Variants in KDM2B observed in about 807,000 individuals in gnomAD.
KDM2B encodes the protein lysine demethylase 2B.
Under a neutral mutation model 150.0 loss-of-function variants are expected in KDM2B, and 26 were observed. The observed-to-expected ratio is 0.17, with a 90% CI of 0.13 to 0.24. KDM2B has a LOEUF of 0.24. Ranked by LOEUF, KDM2B falls within the 10% of genes least tolerant of loss-of-function variation. The pLI is 1.00. For synonymous variants in KDM2B, 734 were observed against 729.5 expected (o/e 1.01, Z -0.10); for missense variants, 1,265 against 1,816.9 (o/e 0.70, Z 5.52).
In KDM2B at chr12:121,442,175, C is replaced by G. The variant is rs782025226; in HGVS notation, c.3266G>C (p.Cys1089Ser). Residue 1089 changes from cysteine to serine, a missense_variant, in exon 19 of 23, where the codon TGC becomes TCC. This residue lies in a region of KDM2B where 251 missense variants were observed against 397.8 expected (regional missense o/e 0.63). Coordinates refer to ENST00000377071, the MANE Select transcript of KDM2B (RefSeq NM_032590.5). This position sits in a 1 kb window ranked among gnomAD's most constrained non-coding sequence, Gnocchi z 7.7. ...CGCTCACCAGCGGTTCCAGGTCCTG[C>G]AGACCCGCATGCACACACACAGGTC... ...HQDLCVCMRV[C>S]RTWNRWCCDK... 6.2e-7 allele frequency: 1 copy of G among 1,613,618 alleles called. No homozygotes were observed. The highest frequency in any genetic ancestry group is 8.5e-7 in the Non-Finnish European group (1 of 1,179,978).
chr12:121,564,417 C>T (rs562595927), intron 4 of KDM2B, among the ~76,000 whole-genome samples: 66 of 152,156 alleles, frequency 4.3e-4, no homozygotes, highest in African/African-American at 1.6e-3. Flanking sequence ...GAGATGGCGC[C>T]ACTGCACTTC....
intron 3 of KDM2B, among the ~76,000 whole-genome samples, 183 bp from the exon 4 acceptor site, chr12:121,574,776 A>C (rs192471825): frequency 6.5e-4 from 99 of 152,336 alleles, no homozygotes; most frequent in Admixed American, 3.1e-3. Context: ...GGGTCACCCC[A>C]GAACCACTGA....
the KDM2B span, chr12:121,420,672 A>G: frequency 6.2e-7 from 1 of 1,614,164 alleles, no homozygotes; most frequent in East Asian, 2.2e-5. Context: ...AGCTGAAGGA[A>G]ATTCTGGCTC....
chr12:121,568,511 G>T (rs1208048586), intron 4 of KDM2B, among the ~76,000 whole-genome samples: 1 of 151,934 alleles, frequency 6.6e-6, no homozygotes, highest in Non-Finnish European at 1.5e-5. Flanking sequence ...AAAAAGAAAA[G>T]AAATCTACAA....
At chr12:121,526,022 C>G (rs555220599) in intron 8 of KDM2B, among the ~76,000 whole-genome samples, 1 of 152,306 alleles carries the variant, frequency 6.6e-6, no homozygotes, top group African/African-American at 2.4e-5. Flanking sequence ...CCAAGGCCCC[C>G]CACATCATCT....
chr12:121,455,526 C>T (rs1310944714), intron 12 of KDM2B, among the ~76,000 whole-genome samples: 1 of 152,060 alleles, frequency 6.6e-6, no homozygotes, highest in African/African-American at 2.4e-5. Flanking sequence ...GCCTGGGCAA[C>T]ATAGTGAGAC....
chr12:121,505,303 AT>A (rs747819202), intron 11 of KDM2B, among the ~76,000 whole-genome samples: 2 of 149,220 alleles, frequency 1.3e-5, no homozygotes, highest in African/African-American at 2.5e-5. Flanking sequence ...AAAAAAAAAA[AT>A]TGTGACTGTA....
At chr12:121,566,856 T>C (rs563772524) in intron 4 of KDM2B, among the ~76,000 whole-genome samples, 8 of 152,208 alleles carry the variant, frequency 5.3e-5, no homozygotes, top group African/African-American at 1.7e-4. Context: ...TTTAGGAATG[T>C]GAAAAGACAA....
chr12:121,433,308 G>A (rs1379096637), intron 22 of KDM2B: 2 of 407,166 alleles, frequency 4.9e-6, no homozygotes, highest in Non-Finnish European at 9.8e-6. Flanking sequence ...GTTTCCTGCT[G>A]GCGCGTGGGG....
downstream of KDM2B, among the ~76,000 whole-genome samples, chr12:121,425,961 G>T (rs901956710): frequency 1.3e-5 from 2 of 151,908 alleles, no homozygotes; most frequent in African/African-American, 2.4e-5. Context: ...TAGAGACGGG[G>T]TTTCACTGTG....
chr12:121,565,380 G>A (rs1045050189), intron 4 of KDM2B, among the ~76,000 whole-genome samples: 4 of 148,640 alleles, frequency 2.7e-5, no homozygotes, highest in Admixed American at 6.7e-5. Flanking sequence ...GCAATGGCAC[G>A]ATCTCAGCAG....
At chr12:121,576,994 A>G (rs1310091523) in intron 2 of KDM2B, among the ~76,000 whole-genome samples, 2 of 152,186 alleles carry the variant, frequency 1.3e-5, no homozygotes, top group East Asian at 3.8e-4. Flanking sequence ...GCTCACAGTG[A>G]ATGGGGATTC....
chr12:121,475,883 G>T (rs1234425868), intron 12 of KDM2B, among the ~76,000 whole-genome samples: 3 of 151,544 alleles, frequency 2.0e-5, no homozygotes, highest in East Asian at 3.9e-4. Context: ...GAGATTTTAG[G>T]CCAGGGGCAG....
chr12:121,474,359 C>CA (rs1208144570), intron 12 of KDM2B, among the ~76,000 whole-genome samples: 10 of 151,768 alleles, frequency 6.6e-5, no homozygotes, highest in African/African-American at 1.5e-4. Context: ...CTAAAAAATA[C>CA]AAAAAAATTA....
Position 121,549,260 on chromosome 12 carries a change from T to C in KDM2B, c.576+200A>G, listed in dbSNP as rs928104381. The stretch of plus-strand genomic sequence containing the variant: ...TGAGAGGGTCACTTGAACCCAGGAG[T>C]TCAAGGCCAGCCTGGGCAACATAGC... On this transcript the variant is annotated intron_variant, in intron 5 of 22. Coordinates refer to ENST00000377071, the MANE Select transcript of KDM2B (RefSeq NM_032590.5). This position sits in a 1 kb window ranked among gnomAD's most constrained non-coding sequence, Gnocchi z 4.4. 1.3e-5 allele frequency among the ~76,000 whole-genome samples: 2 copies of C among 150,966 alleles called. No individual in the cohort carries two copies. The highest frequency in any genetic ancestry group is 4.9e-5 in the African/African-American group (2 of 41,016).
intron 12 of KDM2B, among the ~76,000 whole-genome samples, chr12:121,454,609 G>A (rs1289330376): frequency 6.6e-6 from 1 of 152,154 alleles, no homozygotes; most frequent in African/African-American, 2.4e-5. Context: ...CTTGTCTGTG[G>A]CATCTTTCTG....
At chr12:121,572,254 C>G (rs75008742) in intron 4 of KDM2B, among the ~76,000 whole-genome samples, 1 of 152,214 alleles carries the variant, frequency 6.6e-6, no homozygotes, top group Middle Eastern at 3.4e-3. Context: ...AGAAAATAAT[C>G]AGATCACAGA....
intron 6 of KDM2B, among the ~76,000 whole-genome samples, chr12:121,539,048 G>A (rs1555309243): frequency 6.6e-6 from 1 of 152,074 alleles, no homozygotes; most frequent in African/African-American, 2.4e-5. Flanking sequence ...CACTGCAGGG[G>A]CAGATTCCAG....
intron 1 of KDM2B, chr12:121,580,564 T>C (rs1555317816): frequency 5.2e-6 from 2 of 384,298 alleles, no homozygotes; most frequent in East Asian, 5.8e-5. Flanking sequence ...ATCCCGGAGA[T>C]GGCGGGGCAG....
Sources: allele counts gnomAD v4.1 joint callset (sites outside exome capture counted in the v4.1 genomes callset), GRCh38; gene constraint gnomAD v4.1.1; regional missense constraint gnomAD v4.1.1; non-coding constraint Gnocchi (gnomAD v3.1); transcripts MANE v1.5; gene names NCBI Gene and HGNC (gene_info 2026-07-23, HGNC 2026-07-21).